Variants in DOK6 observed in about 807,000 individuals in gnomAD.
DOK6 encodes the protein downstream of tyrosine kinase 6.
In DOK6, 22 loss-of-function variants were observed where a neutral mutation model predicts 44.0. That is an observed-to-expected ratio of 0.50 (90% CI 0.36 to 0.71). The LOEUF (loss-of-function observed/expected upper bound fraction) is 0.71, where lower values mean the gene tolerates loss of function less well. Ranked by LOEUF, DOK6 falls within the 30% of genes least tolerant of loss-of-function variation. The pLI, the probability that DOK6 is intolerant of heterozygous loss-of-function variation, is 0.00. For missense variants in DOK6, 340 were observed against 416.4 expected (o/e 0.82, Z 1.60); for synonymous variants, 166 against 145.5 (o/e 1.14, Z -1.01).
intron 5 of DOK6, among the ~76,000 whole-genome samples, chr18:69,705,361 TTTTTG>T (rs533579913): frequency 1.1e-4 from 16 of 152,304 alleles, no homozygotes; most frequent in South Asian, 4.1e-4. Context: ...TCTTGGTTTG[TTTTTG>T]TTTTGTTTTG....
intron 1 of DOK6, chr18:69,471,591 T>TG (rs1043955585): frequency 5.3e-5 from 8 of 151,682 alleles, no homozygotes; most frequent in African/African-American, 1.9e-4. Flanking sequence ...TTTTGTTTTT[T>TG]TTTTTTTGTA....
chr18:69,828,419 T>C (rs1981803539), intron 7 of DOK6, among the ~76,000 whole-genome samples: 1 of 151,858 alleles, frequency 6.6e-6, no homozygotes, highest in South Asian at 2.1e-4. Context: ...ATCTAAGCTT[T>C]GCAAAGAGAT....
At chr18:69,679,362 A>G (rs957690804) in intron 4 of DOK6, among the ~76,000 whole-genome samples, 1 of 152,176 alleles carries the variant, frequency 6.6e-6, no homozygotes, top group Non-Finnish European at 1.5e-5. Context: ...TAAAATGAAA[A>G]AAGTTTTTTT....
At chr18:69,839,550 T>G (rs1219226180) in intron 7 of DOK6, among the ~76,000 whole-genome samples, 5 of 152,178 alleles carry the variant, frequency 3.3e-5, no homozygotes, top group African/African-American at 1.2e-4. Flanking sequence ...ATCATCAGGG[T>G]CTTGCAGGAA....
chr18:69,797,397 G>A (rs1439024949), intron 7 of DOK6, among the ~76,000 whole-genome samples: 1 of 152,044 alleles, frequency 6.6e-6, no homozygotes, highest in African/African-American at 2.4e-5. Context: ...TTAACATCTT[G>A]AGATTATATT....
chr18:69,613,017 T>C (rs1485179437), intron 3 of DOK6, among the ~76,000 whole-genome samples: 2 of 151,918 alleles, frequency 1.3e-5, no homozygotes, highest in African/African-American at 4.8e-5. Flanking sequence ...ACTACAGCTG[T>C]GTGCCACCAT....
intron 1 of DOK6, among the ~76,000 whole-genome samples, chr18:69,553,892 A>C (rs1982625783): frequency 6.6e-6 from 1 of 152,144 alleles, no homozygotes; most frequent in South Asian, 2.1e-4. Flanking sequence ...TCCTTTACAA[A>C]TTTCAGTCTC....
intron 6 of DOK6, among the ~76,000 whole-genome samples, chr18:69,749,834 G>C (rs1008626810): frequency 1.3e-5 from 2 of 151,610 alleles, no homozygotes; most frequent in Non-Finnish European, 2.9e-5. Flanking sequence ...GCAGCTACTT[G>C]GGAGGCTGAG....
At chr18:69,822,965 G>T (rs757000382) in intron 7 of DOK6, among the ~76,000 whole-genome samples, 1 of 151,974 alleles carries the variant, frequency 6.6e-6, no homozygotes, top group African/African-American at 2.4e-5. Context: ...TTTTATAAAG[G>T]ATTGTCATTT....
chr18:69,815,088 C>G (rs1305542204), intron 7 of DOK6, among the ~76,000 whole-genome samples: 1 of 152,048 alleles, frequency 6.6e-6, no homozygotes, highest in Admixed American at 6.6e-5. Context: ...AGAACAATAA[C>G]TTGCAATGCA....
At position 69,788,258 on chromosome 18, in the gene DOK6, G is replaced by T. The variant is rs778462926; in HGVS notation, c.856+30385G>T. Among the ~76,000 whole-genome samples, 36 of 152,124 alleles carry T rather than the reference G, an allele frequency of 2.4e-4. 1 individual carries two copies. The highest frequency in any genetic ancestry group is 7.4e-5 in the Non-Finnish European group (5 of 68,022). ...CAAAGCAGGATACACACCCAACAAG[G>T]TACTAGAACTGGCACGTTACTAGTT... is the stretch of plus-strand genomic sequence containing the variant. On this transcript the variant is annotated intron_variant, in intron 7 of 7. Transcript: ENST00000382713.
chr18:69,734,813 T>A (rs1978548792), intron 5 of DOK6, among the ~76,000 whole-genome samples: 1 of 152,202 alleles, frequency 6.6e-6, no homozygotes, highest in African/African-American at 2.4e-5. Context: ...ACACTTACTT[T>A]AAGTAAAATG....
intron 3 of DOK6, among the ~76,000 whole-genome samples, chr18:69,621,063 T>C (rs1568313606): frequency 6.6e-6 from 1 of 151,172 alleles, no homozygotes. Context: ...TCTGGTTATC[T>C]ACATCTACTT....
intron 3 of DOK6, among the ~76,000 whole-genome samples, chr18:69,671,461 A>G (rs1403378689): frequency 6.6e-6 from 1 of 152,236 alleles, no homozygotes; most frequent in Non-Finnish European, 1.5e-5. Flanking sequence ...TATAGAAAAT[A>G]AAAATTTAAT....
intron 2 of DOK6, among the ~76,000 whole-genome samples, chr18:69,570,805 T>C (rs1019742985): frequency 1.3e-5 from 2 of 152,074 alleles, no homozygotes; most frequent in African/African-American, 4.8e-5. Context: ...AAAAATTCTA[T>C]GTCTGTGAAA....
chr18:69,449,397 C>T (rs77585579), intron 1 of DOK6, among the ~76,000 whole-genome samples: 9,955 of 151,832 alleles, frequency 0.066, 360 homozygotes, highest in Middle Eastern at 0.18. Context: ...TAAATAAGAC[C>T]AAAGAAAGAA....
intron 3 of DOK6, among the ~76,000 whole-genome samples, chr18:69,654,177 G>A: frequency 6.6e-6 from 1 of 151,962 alleles, no homozygotes; most frequent in East Asian, 1.9e-4. Context: ...GAAGAAAAGA[G>A]CAAAAAAATA....
chr18:69,777,540 T>C (rs1026990631), intron 7 of DOK6, among the ~76,000 whole-genome samples: 1 of 152,058 alleles, frequency 6.6e-6, no homozygotes, highest in African/African-American at 2.4e-5. Flanking sequence ...CAGCCATCCT[T>C]AGTTTTTTTC....
chr18:69,716,648 G>A (rs1054274652), intron 5 of DOK6, among the ~76,000 whole-genome samples: 18 of 136,226 alleles, frequency 1.3e-4, no homozygotes, highest in African/African-American at 4.8e-4. Flanking sequence ...TGTGTCTGCA[G>A]TTGCTCATAG....
Sources: allele counts gnomAD v4.1 joint callset (sites outside exome capture counted in the v4.1 genomes callset), GRCh38; gene constraint gnomAD v4.1.1; transcripts MANE v1.5; gene names NCBI Gene and HGNC (gene_info 2026-07-23, HGNC 2026-07-21).